The following EAF2 variants were observed in gnomAD, a reference collection of about 807,000 sequenced individuals.
EAF2 encodes ELL-associated factor 2.
Under a neutral mutation model 29.4 loss-of-function variants are expected in EAF2, and 29 were observed. The ratio of observed to expected loss-of-function variants is 0.99; its 90% CI spans 0.73 to 1.35. The LOEUF is 1.35. Among genes scored for constraint, EAF2 ranks in the 40% most tolerant of loss-of-function variants. The pLI is 0.00. For synonymous variants in EAF2, 103 were observed against 102.5 expected (o/e 1.00, Z -0.03); for missense variants, 292 against 312.0 (o/e 0.94, Z 0.48).
At position 121,835,390 on chromosome 3, in the gene EAF2, CTG is replaced by C; in HGVS notation, c.106+2_106+3del. The C allele has an allele frequency of 1.2e-6, 2 of 1,613,782 alleles. No homozygotes were observed. Among genetic ancestry groups the C allele is most frequent in the South Asian group, 1.1e-5 (1 of 91,066 alleles). On this transcript the variant is annotated splice_donor_variant and coding_sequence_variant, in exon 1 of 6. Transcript: ENST00000273668. LOFTEE classifies it high-confidence loss of function. The stretch of plus-strand genomic sequence containing the variant: ...CGCGCTGCGCCTTCCACACTGTGCG[CTG>C]TGAGTGAGGACCATCCGGGGATAGA...
intron 5 of EAF2, 185 bp downstream of exon 5, chr3:121,872,973 T>C (rs745312439): frequency 1.1e-6 from 1 of 874,528 alleles, no homozygotes; most frequent in East Asian, 2.6e-5. Context: ...TCTTGGTTTT[T>C]CTCCCATCTC....
intron 2 of EAF2, among the ~76,000 whole-genome samples, chr3:121,850,824 G>A (rs1017310001): frequency 3.9e-5 from 6 of 152,106 alleles, no homozygotes; most frequent in South Asian, 2.1e-4. Flanking sequence ...AGCTTCCCAA[G>A]TAGCTGGGAT....
chr3:121,855,709 C>T lies in EAF2; in HGVS notation c.338+886C>T, dbSNP rs575266548. On this transcript the variant is annotated intron_variant, in intron 3 of 5. Transcript: ENST00000273668. The stretch of plus-strand genomic sequence containing the variant: ...GGCCAATGAGTAAGACCTACTTGAA[C>T]GGAGCAGAGGTTTGTCTCTGTACCT... 3.2e-4 allele frequency among the ~76,000 whole-genome samples: 48 copies of T among 152,240 alleles called. 1 individual carries two copies. In the South Asian group the frequency reaches 8.1e-3, roughly 26 times the overall value.
intron 1 of EAF2, among the ~76,000 whole-genome samples, chr3:121,843,967 T>C (rs942697961): frequency 5.9e-5 from 9 of 152,106 alleles, no homozygotes; most frequent in African/African-American, 2.2e-4. Flanking sequence ...GGTAGTAGAA[T>C]GACAGACAAG....
intron 2 of EAF2, among the ~76,000 whole-genome samples, chr3:121,846,103 G>T (rs755121979): frequency 2.6e-5 from 4 of 152,014 alleles, no homozygotes; most frequent in African/African-American, 9.7e-5. Flanking sequence ...GTGCTAGTCC[G>T]TCCACATTCT....
At chr3:121,866,616 T>A (rs1352983653) in intron 4 of EAF2, among the ~76,000 whole-genome samples, 1 of 151,870 alleles carries the variant, frequency 6.6e-6, no homozygotes, top group Admixed American at 6.6e-5. Context: ...TTCCAGCTAC[T>A]TGGGAGGCTG....
At chr3:121,841,521 A>G (rs1331597489) in intron 1 of EAF2, among the ~76,000 whole-genome samples, 1 of 25,788 alleles carries the variant, frequency 3.9e-5, no homozygotes, top group Non-Finnish European at 7.1e-5. Flanking sequence ...AAAAAAAAAA[A>G]AAAAAAAAAA....
intron 5 of EAF2, among the ~76,000 whole-genome samples, chr3:121,877,144 T>A (rs368648792): frequency 5.3e-5 from 8 of 152,166 alleles, no homozygotes; most frequent in African/African-American, 1.9e-4. Flanking sequence ...AAATGTTCAG[T>A]TCACCTGGAA....
At position 121,844,073 on chromosome 3, in the gene EAF2, T is replaced by A. The variant is rs115582066; in HGVS notation, c.107-380T>A. ...TTAAAAATGACATAAAAAAGAAAAA[T>A]TTATTGGAAAAAAGGACTGAAAATT... On this transcript the variant is annotated intron_variant, in intron 1 of 5. Coordinates refer to ENST00000273668, the MANE Select transcript of EAF2 (RefSeq NM_018456.6). Among the ~76,000 whole-genome samples the A allele has an allele frequency of 8.7e-3, 1,320 of 152,036 alleles. 15 individuals carry two copies. The highest frequency in any genetic ancestry group is 0.025 in the African/African-American group (1,024 of 41,496).
intron 1 of EAF2, among the ~76,000 whole-genome samples, chr3:121,842,886 A>C (rs1194350203): frequency 2.0e-5 from 3 of 152,186 alleles, no homozygotes; most frequent in African/African-American, 4.8e-5. Context: ...CAAACTCCTC[A>C]ACTTATTTTC....
chr3:121,867,271 A>G (rs370117210), intron 4 of EAF2, among the ~76,000 whole-genome samples: 1 of 152,198 alleles, frequency 6.6e-6, no homozygotes, highest in East Asian at 1.9e-4. Flanking sequence ...TTTATGAAAG[A>G]CATAAACCCA....
At chr3:121,855,761 C>A (rs146127578) in intron 3 of EAF2, among the ~76,000 whole-genome samples, 1 of 152,066 alleles carries the variant, frequency 6.6e-6, no homozygotes, top group East Asian at 1.9e-4. Context: ...AAGTAGGGGG[C>A]GATGTTGATA....
chr3:121,861,183 G>A (rs904206285), intron 4 of EAF2, among the ~76,000 whole-genome samples: 2 of 152,196 alleles, frequency 1.3e-5, no homozygotes, highest in African/African-American at 2.4e-5. Context: ...ATGTTTATTA[G>A]GTCCACTTGG....
chr3:121,848,878 GC>G (rs35162657), intron 2 of EAF2, among the ~76,000 whole-genome samples: 55,686 of 150,578 alleles, frequency 0.37, 10,747 homozygotes, highest in African/African-American at 0.42. Context: ...TATTTTAAAA[GC>G]CCCCCCCCAC....
intron 2 of EAF2, among the ~76,000 whole-genome samples, chr3:121,844,939 A>G (rs1708496709): frequency 6.6e-6 from 1 of 152,212 alleles, no homozygotes. Context: ...ATGTAACCAC[A>G]TAAGTAGAAG....
chr3:121,840,494 AAAAAAAAAAAAAAAG>A (rs530838176), intron 1 of EAF2, among the ~76,000 whole-genome samples: 27,787 of 120,460 alleles, frequency 0.23, 3,977 homozygotes, highest in Non-Finnish European at 0.27. Flanking sequence ...CGTCTAAAAA[AAAAAAAAAAAAAAAG>A]AAAAAAAAAA....
At position 121,857,158 on chromosome 3, in the gene EAF2, T is replaced by C; in HGVS notation, c.484+2T>C. Reference sequence around the variant, plus strand: ...CTCCAATAGATGATATCGAAAGAGGTAAAATCTAAGTATATGTAACATCCC... The same window carrying C: ...CTCCAATAGATGATATCGAAAGAGGCAAAATCTAAGTATATGTAACATCCC... On this transcript the variant is annotated splice_donor_variant, in intron 4 of 5. Transcript: ENST00000273668. LOFTEE classifies it high-confidence loss of function. 1.2e-6 allele frequency: 2 copies of C among 1,606,720 alleles called. No homozygotes were observed. The highest frequency in any genetic ancestry group is 1.7e-6 in the Non-Finnish European group (2 of 1,177,130).
Position 121,844,509 on chromosome 3 carries a change from G to A in EAF2, c.163G>A (p.Glu55Lys), listed in dbSNP as rs1310017475. ...TTCTGAAGGATACCTTGAGGTTGGT[G>A]AAGGTGAACAGGTGACCATAACTCT... ...TSSEGYLEVG[E>K]GEQVTITLPN... The change falls in exon 2 of 6, where the codon GAA becomes AAA. Residue 55 changes from glutamate to lysine, a missense_variant. By Grantham distance (56) the Glu-to-Lys change is moderately conservative (BLOSUM62 1). Transcript: ENST00000273668. 4.3e-6 allele frequency: 7 copies of A among 1,610,868 alleles called. No homozygotes were observed. The highest frequency in any genetic ancestry group is 2.2e-5 in the East Asian group (1 of 44,478).
At chr3:121,877,350 A>G (rs1225150231) in intron 5 of EAF2, among the ~76,000 whole-genome samples, 1 of 151,996 alleles carries the variant, frequency 6.6e-6, no homozygotes, top group Non-Finnish European at 1.5e-5. Context: ...TAAATACATA[A>G]TAGACATACC....
Sources: allele counts gnomAD v4.1 joint callset (sites outside exome capture counted in the v4.1 genomes callset), GRCh38; gene constraint gnomAD v4.1.1; transcripts MANE v1.5; gene names NCBI Gene and HGNC (gene_info 2026-07-23, HGNC 2026-07-21).